Variants in IGFBP7 observed in about 807,000 individuals in gnomAD.
IGFBP7 encodes the protein insulin like growth factor binding protein 7.
Under a neutral mutation model 29.4 loss-of-function variants are expected in IGFBP7, and 31 were observed. The observed-to-expected ratio is 1.05, with a 90% confidence interval of 0.79 to 1.42. The LOEUF (loss-of-function observed/expected upper bound fraction) is 1.42, where lower values mean the gene tolerates loss of function less well. Ranked by LOEUF, IGFBP7 falls within the 40% of genes most tolerant of loss-of-function variation. IGFBP7 has a pLI of 0.00. For missense variants in IGFBP7, 393 were observed against 395.5 expected (o/e 0.99, Z 0.05); for synonymous variants, 172 against 174.9 (o/e 0.98, Z 0.13).
chr4:57,066,033 A>T (rs35680048), intron 1 of IGFBP7, among the ~76,000 whole-genome samples: 7,432 of 152,140 alleles, frequency 0.049, 262 homozygotes, highest in Non-Finnish European at 0.075. Flanking sequence ...CCTGAGTATC[A>T]CTAGAGTATC....
intron 1 of IGFBP7, among the ~76,000 whole-genome samples, chr4:57,089,099 G>T (rs1347852092): frequency 1.3e-5 from 2 of 151,678 alleles, no homozygotes; most frequent in Non-Finnish European, 2.9e-5. Context: ...AGTAAGTGGG[G>T]GAGTGGGGAT....
intron 1 of IGFBP7, among the ~76,000 whole-genome samples, chr4:57,052,491 C>G (rs1724528898): frequency 6.6e-6 from 1 of 152,174 alleles, no homozygotes; most frequent in Non-Finnish European, 1.5e-5. Context: ...CCTGGGAAGG[C>G]TATGTGGGGT....
intron 1 of IGFBP7, among the ~76,000 whole-genome samples, chr4:57,092,397 T>C (rs1448556403): frequency 6.6e-6 from 1 of 152,200 alleles, no homozygotes; most frequent in African/African-American, 2.4e-5. Flanking sequence ...TAATATTAGA[T>C]GCAAACTAGG....
intron 1 of IGFBP7, among the ~76,000 whole-genome samples, chr4:57,102,082 T>C (rs568436126): frequency 6.6e-6 from 1 of 152,232 alleles, no homozygotes; most frequent in African/African-American, 2.4e-5. Context: ...AAAACACAGA[T>C]GAGGTCAGAT....
Position 57,045,662 on chromosome 4 carries a change from C to A in IGFBP7, c.476-4729G>T, listed in dbSNP as rs118181161. Among the ~76,000 whole-genome samples, 453 of 152,148 alleles carry A rather than the reference C, an allele frequency of 3.0e-3. 4 individuals are homozygous for A. The highest frequency in any genetic ancestry group is 0.03 in the East Asian group (154 of 5,176). ...CCCAGTAGGATACCTATTTACTAAG[C>A]TCTGATTGGTTCTTTACCACTTACC... On this transcript the variant is annotated intron_variant, in intron 1 of 4. Transcript: ENST00000295666.
At chr4:57,106,011 AT>A (rs1726023338) in intron 1 of IGFBP7, among the ~76,000 whole-genome samples, 2 of 147,004 alleles carry the variant, frequency 1.4e-5, no homozygotes, top group African/African-American at 5.1e-5. Context: ...GGTTCACGCC[AT>A]TCTCCTGCCT....
intron 1 of IGFBP7, among the ~76,000 whole-genome samples, chr4:57,099,404 T>C (rs991385368): frequency 6.6e-6 from 1 of 152,204 alleles, no homozygotes. Flanking sequence ...TGCAAATTCC[T>C]TAGACCATAG....
Position 57,065,134 on chromosome 4 carries a change from G to A in IGFBP7, c.476-24201C>T, listed in dbSNP as rs1389676355. Reference sequence around the variant, plus strand: ...CTGGAATTAGGGAACATCACAAAACGTACTGGGGAGAACTCCCCATGTGGC... The same window carrying A: ...CTGGAATTAGGGAACATCACAAAACATACTGGGGAGAACTCCCCATGTGGC... On this transcript the variant is annotated intron_variant, in intron 1 of 4. Coordinates refer to ENST00000295666, the MANE Select transcript of IGFBP7 (RefSeq NM_001553.3). Among the ~76,000 whole-genome samples the A allele has an allele frequency of 5.3e-5, 8 of 152,350 alleles. No individual in the cohort carries two copies. In the East Asian group the frequency reaches 1.4e-3, roughly 26 times the overall value.
intron 2 of IGFBP7, 66 bp from the exon 3 acceptor site, chr4:57,033,377 C>T (rs1343622785): frequency 5.0e-6 from 5 of 1,008,916 alleles, no homozygotes; most frequent in Non-Finnish European, 8.0e-6. Flanking sequence ...GAAGTGGCCA[C>T]ATCCCTACAA....
intron 1 of IGFBP7, among the ~76,000 whole-genome samples, chr4:57,050,168 T>G (rs1724467395): frequency 6.6e-6 from 1 of 151,974 alleles, no homozygotes. Flanking sequence ...TTATCAATTA[T>G]CCTCACACCA....
rs777120470 is a variant in IGFBP7, at chr4:57,110,078, T to G, written c.274A>C (p.Lys92Gln). ...GCCCCGGCTTTACCCTTCCGCCTCT[T>G]GCGGCTCTTCACGCACTCCATGCCC... ...APGMECVKSRKRRKGKAGAAA... is the reference protein window; with the variant it reads ...APGMECVKSRQRRKGKAGAAA... Residue 92 changes from lysine (K) to glutamine (Q), a missense_variant, in exon 1 of 5, where the codon AAG (lysine) becomes CAG (glutamine). Physicochemically the swap from Lys to Gln is moderately conservative, Grantham distance 53 (BLOSUM62 1). Coordinates refer to ENST00000295666, the MANE Select transcript of IGFBP7 (RefSeq NM_001553.3). 2.6e-5 allele frequency: 41 copies of G among 1,556,606 alleles called. No homozygotes were observed. Among genetic ancestry groups the G allele is most frequent in the Non-Finnish European group, 3.5e-5 (41 of 1,157,292 alleles).
intron 2 of IGFBP7, among the ~76,000 whole-genome samples, chr4:57,040,597 T>C (rs1423945289): frequency 6.6e-6 from 1 of 152,262 alleles, no homozygotes; most frequent in Non-Finnish European, 1.5e-5. Flanking sequence ...TTCAGCATTA[T>C]TGTTCTTCCA....
At chr4:57,036,210 C>T (rs1468889961) in intron 2 of IGFBP7, among the ~76,000 whole-genome samples, 2 of 152,028 alleles carry the variant, frequency 1.3e-5, no homozygotes, top group African/African-American at 4.8e-5. Flanking sequence ...CTCATTTCAC[C>T]GTAGGGATAT....
chr4:57,083,477 T>C (rs1725421488), intron 1 of IGFBP7, among the ~76,000 whole-genome samples: 1 of 152,254 alleles, frequency 6.6e-6, no homozygotes, highest in South Asian at 2.1e-4. Flanking sequence ...ATTACTTTTC[T>C]CTTTTTCCTG....
At chr4:57,038,527 G>A (rs1338304618) in intron 2 of IGFBP7, among the ~76,000 whole-genome samples, 1 of 152,128 alleles carries the variant, frequency 6.6e-6, no homozygotes, top group Non-Finnish European at 1.5e-5. Context: ...TCCGACTGCG[G>A]GAGCCACAGT....
chr4:57,070,210 C>T (rs1725022791), intron 1 of IGFBP7, among the ~76,000 whole-genome samples: 1 of 152,132 alleles, frequency 6.6e-6, no homozygotes, highest in African/African-American at 2.4e-5. Flanking sequence ...TCCCAGAGTA[C>T]CATATTTTTC....
At chr4:57,037,138 G>T (rs1291253885) in intron 2 of IGFBP7, among the ~76,000 whole-genome samples, 4 of 152,156 alleles carry the variant, frequency 2.6e-5, no homozygotes, top group Non-Finnish European at 5.9e-5. Context: ...TAAGAACATG[G>T]TGGTTGTGAT....
intron 1 of IGFBP7, among the ~76,000 whole-genome samples, chr4:57,055,688 C>T (rs1036628981): frequency 6.6e-6 from 1 of 152,026 alleles, no homozygotes; most frequent in African/African-American, 2.4e-5. Context: ...ATAGGGCAGT[C>T]ATCTCCCACC....
Position 57,108,876 on chromosome 4 carries a change from G to A in IGFBP7, c.475+1001C>T, listed in dbSNP as rs11573024. Among the ~76,000 whole-genome samples the A allele has an allele frequency of 2.4e-4, 36 of 152,128 alleles. No individual in the cohort carries two copies. The South Asian group carries it at 6.6e-3, about 28-fold the overall frequency. On this transcript the variant is annotated intron_variant, in intron 1 of 4. Coordinates refer to ENST00000295666, the MANE Select transcript of IGFBP7 (RefSeq NM_001553.3). ...TCCTTATTTCATTTACAGCAAGCTT[G>A]GACTTGTTTGGAATAAAATAAACAA...
Sources: allele counts gnomAD v4.1 joint callset (sites outside exome capture counted in the v4.1 genomes callset), GRCh38; gene constraint gnomAD v4.1.1; transcripts MANE v1.5; gene names NCBI Gene and HGNC (gene_info 2026-07-23, HGNC 2026-07-21).